Variants in LMO7 observed in about 807,000 individuals in gnomAD.
LMO7 encodes the protein LIM domain 7.
In LMO7, 120 loss-of-function variants were observed where a neutral mutation model predicts 206.5. That is an observed-to-expected ratio of 0.58 (90% CI 0.50 to 0.68). The LOEUF is 0.68. Ranked by LOEUF, LMO7 falls within the 30% of genes least tolerant of loss-of-function variation. The pLI is 0.00. For synonymous variants in LMO7, 706 were observed against 681.5 expected, an observed-to-expected ratio of 1.04 and a Z score of -0.56; for missense variants, 1,959 against 1,957.9, an observed-to-expected ratio of 1.00 and a Z score of -0.01.
chr13:75,806,032 C>T (rs2055417579), intron 9 of LMO7: 1 of 1,192,020 alleles, frequency 8.4e-7, no homozygotes, highest in Non-Finnish European at 1.0e-6. Context: ...TTCCCTCTTC[C>T]CTTCTTTTCT....
chr13:75,794,508 G>C (rs1489080035), intron 4 of LMO7, among the ~76,000 whole-genome samples: 1 of 152,042 alleles, frequency 6.6e-6, no homozygotes, highest in East Asian at 1.9e-4. Context: ...TTATGTTGAT[G>C]TCTTCTACAT....
rs531118230 is a variant in LMO7, at chr13:75,676,471, C to T, written c.70-36711C>T. Among the ~76,000 whole-genome samples, 48 of 152,270 alleles carry T rather than the reference C, an allele frequency of 3.2e-4. No homozygotes were observed. In the South Asian group the frequency reaches 9.3e-3, roughly 30 times the overall value. On this transcript the variant is annotated intron_variant, in intron 1 of 30. Coordinates refer to ENST00000377534, the MANE Select transcript of LMO7 (RefSeq NM_001306080.2). ...AAGTGTCTTTGCAGGGAGGAATGAA[C>T]CTTCTAAGCAATGTGGTAGGTAATG...
chr13:75,757,351 A>C (rs1321859018), intron 3 of LMO7, among the ~76,000 whole-genome samples: 1 of 152,224 alleles, frequency 6.6e-6, no homozygotes, highest in Non-Finnish European at 1.5e-5. Flanking sequence ...CTCCTGAATT[A>C]CCTTCAGAAA....
chr13:75,771,162 T>G (rs527731), intron 4 of LMO7, among the ~76,000 whole-genome samples: 11 of 151,876 alleles, frequency 7.2e-5, no homozygotes, highest in Admixed American at 4.6e-4. Flanking sequence ...TGAACTAAGT[T>G]ACTTTGAGTG....
At chr13:75,765,293 A>G (rs1265984577) in intron 4 of LMO7, among the ~76,000 whole-genome samples, 2 of 151,782 alleles carry the variant, frequency 1.3e-5, no homozygotes, top group Non-Finnish European at 2.9e-5. Context: ...TCTGCTTTTT[A>G]AAATAATTTA....
chr13:75,849,864 CT>C (rs1424635671), intron 27 of LMO7, among the ~76,000 whole-genome samples: 1 of 152,138 alleles, frequency 6.6e-6, no homozygotes, highest in Non-Finnish European at 1.5e-5. Flanking sequence ...TCAGTATTTT[CT>C]TATCTGACAG....
intron 16 of LMO7, 21 bp downstream of exon 16, chr13:75,833,186 T>G: frequency 2.0e-5 from 26 of 1,325,690 alleles, no homozygotes; most frequent in Non-Finnish European, 2.5e-5. Flanking sequence ...TGTTTAGCTC[T>G]ACTGAATTTT....
At position 75,846,967 on chromosome 13, in the gene LMO7, G is replaced by T. The variant is rs1432413624; in HGVS notation, c.4150+1588G>T. Reference sequence around the variant, plus strand: ...AATTGCTTGAACCCGGGAGGCAGAGGTTGCAGTGAGCCGAGATCGCTCCAC... The same window carrying T: ...AATTGCTTGAACCCGGGAGGCAGAGTTTGCAGTGAGCCGAGATCGCTCCAC... On this transcript the variant is annotated intron_variant, in intron 26 of 30. Coordinates refer to ENST00000377534, the MANE Select transcript of LMO7 (RefSeq NM_001306080.2). Among the ~76,000 whole-genome samples, 10 of 150,056 alleles carry T rather than the reference G, an allele frequency of 6.7e-5. No homozygotes were observed. In the Admixed American group the frequency reaches 6.7e-4, roughly 10 times the overall value.
chr13:75,702,611 A>C (rs2042354607), intron 1 of LMO7, among the ~76,000 whole-genome samples: 1 of 152,264 alleles, frequency 6.6e-6, no homozygotes, highest in South Asian at 2.1e-4. Context: ...TTATTTGCTG[A>C]ATATACAATA....
chr13:75,839,562 G>T (rs2059408322), intron 20 of LMO7, among the ~76,000 whole-genome samples: 1 of 152,140 alleles, frequency 6.6e-6, no homozygotes, highest in South Asian at 2.1e-4. Flanking sequence ...CAAGCAATAG[G>T]AGTAGAAAAA....
intron 1 of LMO7, among the ~76,000 whole-genome samples, chr13:75,711,337 T>C (rs972943230): frequency 1.3e-5 from 2 of 152,240 alleles, no homozygotes; most frequent in Non-Finnish European, 2.9e-5. Flanking sequence ...GAGGACTCCC[T>C]CTTTTTCTAT....
intron 4 of LMO7, among the ~76,000 whole-genome samples, chr13:75,787,287 G>C (rs1260636900): frequency 6.6e-6 from 1 of 152,212 alleles, no homozygotes; most frequent in Non-Finnish European, 1.5e-5. Context: ...TTTACAAAAA[G>C]TAGAAAAGAA....
intron 1 of LMO7, among the ~76,000 whole-genome samples, chr13:75,711,188 G>T (rs900073561): frequency 4.6e-5 from 7 of 152,182 alleles, no homozygotes; most frequent in Non-Finnish European, 1.0e-4. Context: ...ATGTGCTGCT[G>T]GATTCGGTTT....
intron 4 of LMO7, among the ~76,000 whole-genome samples, chr13:75,765,488 A>G (rs1237365457): frequency 3.3e-5 from 5 of 151,748 alleles, no homozygotes; most frequent in Non-Finnish European, 7.4e-5. Flanking sequence ...CTTTCTGCCA[A>G]CTATTAGAAG....
At chr13:75,848,461 A>ATCTATCTG in intron 26 of LMO7, among the ~76,000 whole-genome samples, 1 of 151,896 alleles carries the variant, frequency 6.6e-6, no homozygotes, top group Non-Finnish European at 1.5e-5. Flanking sequence ...CTATCTATCT[A>ATCTATCTG]TCTATCTAAC....
At chr13:75,623,006 C>T (rs2033518960) in intron 1 of LMO7, among the ~76,000 whole-genome samples, 1 of 152,050 alleles carries the variant, frequency 6.6e-6, no homozygotes. Context: ...ATATGAAATT[C>T]CTGCAAACCA....
intron 2 of LMO7, among the ~76,000 whole-genome samples, chr13:75,716,516 T>G (rs2043546537): frequency 6.6e-6 from 1 of 152,150 alleles, no homozygotes; most frequent in Admixed American, 6.5e-5. Flanking sequence ...CTCTCTTGGT[T>G]TTACTAAACA....
intron 4 of LMO7, among the ~76,000 whole-genome samples, chr13:75,764,418 G>T (rs2048589761): frequency 6.6e-6 from 1 of 152,098 alleles, no homozygotes; most frequent in East Asian, 1.9e-4. Flanking sequence ...AGGAGATCAA[G>T]CATAATGGCC....
At chr13:75,835,366 C>A in intron 18 of LMO7, 27 bp downstream of exon 18, 2 of 1,483,996 alleles carry the variant, frequency 1.3e-6, no homozygotes, top group South Asian at 1.3e-5. Context: ...GTAGGAAGTA[C>A]TGGTGTGGAG....
Sources: gnomAD v4.1 joint callset for allele counts (sites outside exome capture counted in the v4.1 genomes callset) on GRCh38, gnomAD v4.1.1 for gene constraint, MANE v1.5 for transcripts, NCBI Gene and HGNC (gene_info 2026-07-23, HGNC 2026-07-21) for gene names.